Variants in CNTLN observed in about 807,000 individuals in gnomAD.
The protein encoded by CNTLN is centlein, centrosomal protein.
CNTLN carries 212 observed loss-of-function variants against 180.0 expected under a neutral mutation model. That is an observed-to-expected ratio of 1.18 (90% confidence interval 1.05 to 1.32). CNTLN has a LOEUF of 1.32. Among genes scored for constraint, CNTLN ranks in the 40% most tolerant of loss-of-function variants. The probability of loss-of-function intolerance (pLI) is 0.00; values close to 1 mark genes in which losing one functional copy is unlikely to be tolerated. For synonymous variants in CNTLN, 722 were observed against 563.1 expected (o/e 1.28, Z -3.99); for missense variants, 2,095 against 1,610.9 (o/e 1.30, Z -5.14).
At chr9:17,283,674 C>A (rs1191678961) in intron 6 of CNTLN, among the ~76,000 whole-genome samples, 1 of 152,088 alleles carries the variant, frequency 6.6e-6, no homozygotes, top group Non-Finnish European at 1.5e-5. Flanking sequence ...TGTCTTGTGC[C>A]AGTTTTCAAG....
At chr9:17,196,431 A>G (rs1467622025) in intron 2 of CNTLN, among the ~76,000 whole-genome samples, 2 of 152,154 alleles carry the variant, frequency 1.3e-5, no homozygotes, top group African/African-American at 4.8e-5. Context: ...GAATTATGGA[A>G]TATATACATA....
intron 12 of CNTLN, among the ~76,000 whole-genome samples, chr9:17,346,965 G>A (rs143867260): frequency 2.0e-5 from 3 of 152,174 alleles, no homozygotes; most frequent in East Asian, 1.9e-4. Flanking sequence ...CTATTGTGTC[G>A]TGTCTTCAAG....
intron 18 of CNTLN, among the ~76,000 whole-genome samples, chr9:17,435,832 G>A (rs1433855388): frequency 6.6e-6 from 1 of 152,122 alleles, no homozygotes; most frequent in Non-Finnish European, 1.5e-5. Flanking sequence ...CCAAGTGCTA[G>A]GATTACACGT....
At chr9:17,405,233 A>G (rs1827286080) in intron 15 of CNTLN, among the ~76,000 whole-genome samples, 1 of 151,660 alleles carries the variant, frequency 6.6e-6, no homozygotes, top group Non-Finnish European at 1.5e-5. Context: ...TAGTTTTGTG[A>G]CATTCCCCCT....
intron 18 of CNTLN, among the ~76,000 whole-genome samples, chr9:17,438,222 G>A (rs543492366): frequency 2.0e-5 from 3 of 152,172 alleles, no homozygotes; most frequent in African/African-American, 7.2e-5. Flanking sequence ...AATAAGGACT[G>A]AGACTAAGGC....
At chr9:17,166,474 A>T (rs1201775382) in intron 2 of CNTLN, among the ~76,000 whole-genome samples, 1 of 152,208 alleles carries the variant, frequency 6.6e-6, no homozygotes, top group East Asian at 1.9e-4. Flanking sequence ...TTTCAAATTC[A>T]GGCTCAGGAG....
intron 6 of CNTLN, among the ~76,000 whole-genome samples, chr9:17,292,915 T>C (rs1055236528): frequency 1.3e-4 from 20 of 152,218 alleles, no homozygotes; most frequent in Non-Finnish European, 2.6e-4. Context: ...CTTTCTCATC[T>C]TTGTGAGTTT....
downstream of CNTLN, among the ~76,000 whole-genome samples, chr9:17,504,150 A>G (rs1027286315): frequency 6.6e-6 from 1 of 152,194 alleles, no homozygotes; most frequent in East Asian, 1.9e-4. Context: ...GGAAAAGAAG[A>G]AAGAAATGAC....
intron 5 of CNTLN, among the ~76,000 whole-genome samples, chr9:17,251,656 T>C (rs1826150846): frequency 6.6e-6 from 1 of 151,918 alleles, no homozygotes; most frequent in Non-Finnish European, 1.5e-5. Context: ...TGTGAGTGTT[T>C]GTTACATGCA....
chr9:17,425,112 G>T (rs915498685), intron 18 of CNTLN, among the ~76,000 whole-genome samples: 1 of 152,120 alleles, frequency 6.6e-6, no homozygotes, highest in Non-Finnish European at 1.5e-5. Context: ...GAATGGATGA[G>T]TTATTTTATT....
At chr9:17,389,461 A>C (rs1825932987) in intron 14 of CNTLN, among the ~76,000 whole-genome samples, 1 of 152,170 alleles carries the variant, frequency 6.6e-6, no homozygotes, top group Non-Finnish European at 1.5e-5. Context: ...GAAGAAAGCC[A>C]TTATTTCATT....
intron 24 of CNTLN, among the ~76,000 whole-genome samples, chr9:17,486,371 AT>A (rs1832887509): frequency 6.6e-6 from 1 of 152,122 alleles, no homozygotes; most frequent in African/African-American, 2.4e-5. Context: ...TGAAATTACA[AT>A]TTCAAGTGAA....
chr9:17,264,755 C>T (rs1282257085), intron 5 of CNTLN, among the ~76,000 whole-genome samples: 3 of 152,116 alleles, frequency 2.0e-5, no homozygotes, highest in South Asian at 2.1e-4. Flanking sequence ...AGGTCCTTCA[C>T]ATCCCTTGTA....
chr9:17,169,442 A>G (rs989139284), intron 2 of CNTLN, among the ~76,000 whole-genome samples: 1 of 152,180 alleles, frequency 6.6e-6, no homozygotes, highest in African/African-American at 2.4e-5. Flanking sequence ...ATGAATTGAA[A>G]TCAAATATTA....
At chr9:17,522,736 A>G in the CNTLN span, among the ~76,000 whole-genome samples, 1 of 152,162 alleles carries the variant, frequency 6.6e-6, no homozygotes, top group African/African-American at 2.4e-5. Flanking sequence ...TAAACTAAAA[A>G]AAACCCACTT....
intron 23 of CNTLN, among the ~76,000 whole-genome samples, chr9:17,483,112 G>T (rs4961566): frequency 0.046 from 7,046 of 151,970 alleles, 269 homozygotes; most frequent in African/African-American, 0.1. Flanking sequence ...TGAAATAATT[G>T]AAATATATAC....
the CNTLN span, among the ~76,000 whole-genome samples, chr9:17,514,556 T>A: frequency 6.6e-6 from 1 of 152,148 alleles, no homozygotes; most frequent in African/African-American, 2.4e-5. Context: ...TAAAAATACC[T>A]AAAAAGAGAA....
intron 18 of CNTLN, among the ~76,000 whole-genome samples, chr9:17,427,951 A>G (rs1007471245): frequency 2.0e-5 from 3 of 152,188 alleles, no homozygotes; most frequent in Non-Finnish European, 4.4e-5. Flanking sequence ...AGACACAGGT[A>G]TGGTTTTACT....
intron 2 of CNTLN, among the ~76,000 whole-genome samples, chr9:17,216,289 T>G (rs1823748756): frequency 1.3e-5 from 2 of 152,198 alleles, no homozygotes; most frequent in South Asian, 2.1e-4. Context: ...GTTGTGTAAA[T>G]TTTGAAGATG....
Sources: allele counts gnomAD v4.1 joint callset (sites outside exome capture counted in the v4.1 genomes callset), GRCh38; gene constraint gnomAD v4.1.1; transcripts MANE v1.5; gene names NCBI Gene and HGNC (gene_info 2026-07-23, HGNC 2026-07-21).